Variants in BIN3 observed in about 807,000 individuals in gnomAD.
BIN3 encodes bridging integrator 3.
BIN3 carries 41 observed loss-of-function variants against 38.2 expected under a neutral mutation model. The ratio of observed to expected loss-of-function variants is 1.07; its 90% confidence interval spans 0.84 to 1.39. The LOEUF (loss-of-function observed/expected upper bound fraction) is 1.39, where lower values mean the gene tolerates loss of function less well. BIN3 is among the 40% of genes most tolerant of loss of function. BIN3 has a pLI of 0.00. For synonymous variants in BIN3, 145 were observed against 122.6 expected (o/e 1.18, Z -1.21); for missense variants, 361 against 324.3 (o/e 1.11, Z -0.87).
At chr8:22,646,721 A>G (rs1364289303) in intron 1 of BIN3, among the ~76,000 whole-genome samples, 1 of 152,202 alleles carries the variant, frequency 6.6e-6, no homozygotes, top group African/African-American at 2.4e-5. Flanking sequence ...AGAAAAAATG[A>G]AATTGTTGCT....
chr8:22,630,350 G>A, intron 5 of BIN3, 92 bp downstream of exon 5: 2 of 1,522,400 alleles, frequency 1.3e-6, no homozygotes, highest in South Asian at 2.5e-5. Flanking sequence ...TGAGAGCAGA[G>A]GGAGCCCACT....
At chr8:22,655,311 G>C (rs1803021285) in intron 1 of BIN3, among the ~76,000 whole-genome samples, 1 of 152,020 alleles carries the variant, frequency 6.6e-6, no homozygotes, top group Non-Finnish European at 1.5e-5. Flanking sequence ...TTTTTCTTTT[G>C]TTGTTCATGC....
chr8:22,648,803 A>G (rs747875223), intron 1 of BIN3, among the ~76,000 whole-genome samples: 6 of 152,172 alleles, frequency 3.9e-5, no homozygotes, highest in Admixed American at 1.3e-4. Context: ...TTATAATCTA[A>G]TACATTATTT....
intron 4 of BIN3, among the ~76,000 whole-genome samples, chr8:22,632,094 G>C (rs981800462): frequency 6.6e-6 from 1 of 152,164 alleles, no homozygotes; most frequent in African/African-American, 2.4e-5. Context: ...CTTATTGTAT[G>C]AACTACTAAG....
Position 22,642,117 on chromosome 8 carries a change from G to T in BIN3, c.57+2638C>A, listed in dbSNP as rs372366972. Among the ~76,000 whole-genome samples, 8 of 152,314 alleles carry T rather than the reference G, an allele frequency of 5.3e-5. No individual in the cohort carries two copies. The East Asian group carries it at 9.6e-4, about 18-fold the overall frequency. On this transcript the variant is annotated intron_variant, in intron 2 of 8. Coordinates refer to ENST00000276416, the MANE Select transcript of BIN3 (RefSeq NM_018688.6). ...AATGCTTTCTTTGTGCCTGACAGTT[G>T]GGTGCCTTGAGCCAAAAACCTCCTG...
At position 22,620,889 on chromosome 8, in the gene BIN3, A is replaced by G. The variant is rs1210989731; in HGVS notation, c.*533T>C. 6.5e-6 allele frequency: 1 copy of G among 152,710 alleles called. No homozygotes were observed. The highest frequency in any genetic ancestry group is 2.4e-5 in the African/African-American group (1 of 41,452). 9.5% of individuals were successfully genotyped at this position (152,710 alleles called of 1,614,324 possible). ...CGGGAACCCCAACCACTTAGGTCCC[A>G]AAGCCACAAGGGTGCCCTTTGTCTT... is the stretch of plus-strand genomic sequence containing the variant. On this transcript the variant is annotated 3_prime_UTR_variant, in exon 9 of 9. Coordinates refer to ENST00000276416, the MANE Select transcript of BIN3 (RefSeq NM_018688.6).
intron 2 of BIN3, among the ~76,000 whole-genome samples, chr8:22,642,199 C>T (rs1802585141): frequency 6.6e-6 from 1 of 152,210 alleles, no homozygotes; most frequent in African/African-American, 2.4e-5. Context: ...CCATGACTTC[C>T]AATAACCCAG....
chr8:22,632,511 A>T (rs1431446473), intron 4 of BIN3, among the ~76,000 whole-genome samples: 2 of 152,240 alleles, frequency 1.3e-5, no homozygotes, highest in African/African-American at 4.8e-5. Flanking sequence ...GTGACTCTGT[A>T]GATTTAGGAA....
intron 1 of BIN3, among the ~76,000 whole-genome samples, chr8:22,659,822 C>T (rs1803174980): frequency 6.6e-6 from 1 of 152,140 alleles, no homozygotes. Flanking sequence ...TCTAGGGTCG[C>T]TATGAAGGTT....
intron 1 of BIN3, among the ~76,000 whole-genome samples, chr8:22,646,236 T>TC (rs1350331201): frequency 6.6e-6 from 1 of 152,138 alleles, no homozygotes; most frequent in Non-Finnish European, 1.5e-5. Flanking sequence ...AAGGGTAGAC[T>TC]CCCGATCCCA....
intron 4 of BIN3, among the ~76,000 whole-genome samples, chr8:22,633,000 C>T (rs1369005497): frequency 3.3e-5 from 5 of 152,210 alleles, no homozygotes; most frequent in Non-Finnish European, 4.4e-5. Context: ...TGAGCCACTG[C>T]GCCCAGCCCA....
intron 1 of BIN3, among the ~76,000 whole-genome samples, chr8:22,664,803 G>A (rs1173684588): frequency 1.3e-5 from 2 of 152,224 alleles, no homozygotes; most frequent in Admixed American, 1.3e-4. Flanking sequence ...TCAGACAAAG[G>A]ACGGGAAAGC....
rs377204521 is a variant in BIN3, at chr8:22,649,775, G to C, written c.9-4972C>G. ...ACTACAAAAATAGCACCTGATCAGT[G>C]TTAAAAACCTGGAAGAGATAGAAAA... On this transcript the variant is annotated intron_variant, in intron 1 of 8. Transcript: ENST00000276416. Among the ~76,000 whole-genome samples, 26 of 148,900 alleles carry C rather than the reference G, an allele frequency of 1.7e-4. No homozygotes were observed. The East Asian group carries it at 4.6e-3, about 26-fold the overall frequency.
chr8:22,642,021 G>C (rs1415910443), intron 2 of BIN3, among the ~76,000 whole-genome samples: 1 of 152,174 alleles, frequency 6.6e-6, no homozygotes, highest in Non-Finnish European at 1.5e-5. Context: ...AGCCATTCTA[G>C]CCAAAGCCTT....
chr8:22,636,752 G>A, intron 3 of BIN3, 166 bp from the exon 4 acceptor site: 3 of 980,226 alleles, frequency 3.1e-6, no homozygotes, highest in Non-Finnish European at 3.1e-6. Context: ...ATGAGTGAAT[G>A]ACTCTCACAT....
At chr8:22,626,929 C>G (rs984904267) in intron 6 of BIN3, among the ~76,000 whole-genome samples, 1 of 152,144 alleles carries the variant, frequency 6.6e-6, no homozygotes, top group African/African-American at 2.4e-5. Flanking sequence ...GAGTGCCGAG[C>G]GGGGGTGAGG....
intron 6 of BIN3, among the ~76,000 whole-genome samples, chr8:22,627,523 C>T (rs1802040314): frequency 6.6e-6 from 1 of 152,124 alleles, no homozygotes. Flanking sequence ...GCGCCTGTGC[C>T]AGCCCCTCCC....
chr8:22,632,669 A>G (rs1802243164), intron 4 of BIN3, among the ~76,000 whole-genome samples: 1 of 151,504 alleles, frequency 6.6e-6, no homozygotes, highest in South Asian at 2.1e-4. Flanking sequence ...ACAACCCAAA[A>G]AGCCAGAGGA....
Position 22,651,418 on chromosome 8 carries a change from C to G in BIN3, c.9-6615G>C, listed in dbSNP as rs117494429. Among the ~76,000 whole-genome samples the G allele has an allele frequency of 2.3e-3, 352 of 152,350 alleles. 7 individuals are homozygous for G. In the East Asian group the frequency reaches 0.062, roughly 27 times the overall value. On this transcript the variant is annotated intron_variant, in intron 1 of 8. Transcript: ENST00000276416. ...CAGCACCAGCTGTCCCTTCACCAAT[C>G]TTTCTGGGATTCCTTTGACTTCTCT...
Sources: allele counts gnomAD v4.1 joint callset (sites outside exome capture counted in the v4.1 genomes callset), GRCh38; gene constraint gnomAD v4.1.1; transcripts MANE v1.5; gene names NCBI Gene and HGNC (gene_info 2026-07-23, HGNC 2026-07-21).